Variants in CIT observed in about 807,000 individuals in gnomAD.
CIT encodes citron Rho-interacting kinase.
A neutral mutation model predicts 272.7 loss-of-function variants in CIT; 79 were observed. That is an observed-to-expected ratio of 0.29 (90% confidence interval 0.24 to 0.35). CIT has a LOEUF of 0.35. CIT is among the 10% of genes least tolerant of loss of function. The probability of loss-of-function intolerance (pLI) is 1.00; values close to 1 mark genes in which losing one functional copy is unlikely to be tolerated. For missense variants in CIT, 1,909 were observed against 2,618.3 expected (o/e 0.73, Z 5.91); for synonymous variants, 948 against 995.6 (o/e 0.95, Z 0.90).
At chr12:119,856,865 A>C (rs900104920) in intron 4 of CIT, among the ~76,000 whole-genome samples, 1 of 152,190 alleles carries the variant, frequency 6.6e-6, no homozygotes, top group Non-Finnish European at 1.5e-5. Flanking sequence ...TCCTTTTGCA[A>C]GCTTCCTGCA....
chr12:119,692,847 C>T lies in CIT; in HGVS notation c.5883-2393G>A, dbSNP rs537284393. 2.0e-5 allele frequency among the ~76,000 whole-genome samples: 3 copies of T among 152,316 alleles called. No individual in the cohort carries two copies. In the South Asian group the frequency reaches 6.2e-4, roughly 32 times the overall value. On this transcript the variant is annotated intron_variant, in intron 46 of 47. Coordinates refer to ENST00000392521, the MANE Select transcript of CIT (RefSeq NM_001206999.2). Reference sequence around the variant, plus strand: ...CGTTTGGAGATTCAGACAACGAATGCTCAGAAGGCCAGAACCCCTGTCTCT... The same window carrying T: ...CGTTTGGAGATTCAGACAACGAATGTTCAGAAGGCCAGAACCCCTGTCTCT...
rs759976682 is a variant in CIT at position 119,701,880 on chromosome 12, C to T, written c.5383G>A (p.Glu1795Lys). 27 of 1,613,994 alleles carry T rather than the reference C, an allele frequency of 1.7e-5. No homozygotes were observed. Among genetic ancestry groups the T allele is most frequent in the Non-Finnish European group, 2.0e-5 (24 of 1,180,018 alleles). Residue 1795 changes from glutamate (E) to lysine (K), a missense_variant, in exon 42 of 48, where the codon GAA becomes AAA. Physicochemically the swap from Glu to Lys is moderately conservative, Grantham distance 56 (BLOSUM62 1). Transcript: ENST00000392521. ...SILIGTNKFYEIDMKQYTLEE... is the reference protein window; with the variant it reads ...SILIGTNKFYKIDMKQYTLEE... ...AGCGTGTACTGCTTCATGTCGATTT[C>T]GTAGAATTTATTGGTTCCAATGAGG...
chr12:119,713,441 C>G lies in CIT; in HGVS notation c.4487+27G>C. The G allele has an allele frequency of 6.2e-7, 1 of 1,608,138 alleles. No homozygotes were observed. The highest frequency in any genetic ancestry group is 8.5e-7 in the Non-Finnish European group (1 of 1,176,828). On this transcript the variant is annotated intron_variant, in intron 34 of 47. Coordinates refer to ENST00000392521, the MANE Select transcript of CIT (RefSeq NM_001206999.2). This position sits in a 1 kb window ranked among gnomAD's most constrained non-coding sequence, Gnocchi z 5.2. ...AGAGTGGCTTGTGCCAGCACCTGCT[C>G]CAGCCCAAGCCACCCTGACATGGTA... is the stretch of plus-strand genomic sequence containing the variant.
intron 44 of CIT, 118 bp downstream of exon 44, chr12:119,700,627 C>A: frequency 1.2e-6 from 1 of 820,620 alleles, no homozygotes. Flanking sequence ...ATGATCCACC[C>A]GCCTCGGCCT....
intron 10 of CIT, among the ~76,000 whole-genome samples, chr12:119,794,071 T>C (rs1965531054): frequency 1.3e-5 from 2 of 152,172 alleles, no homozygotes; most frequent in South Asian, 4.1e-4. Context: ...AACCTTTCCT[T>C]GCGGACCCAG....
chr12:119,765,800 T>C (rs1415999659), intron 19 of CIT, among the ~76,000 whole-genome samples: 2 of 151,854 alleles, frequency 1.3e-5, no homozygotes, highest in African/African-American at 4.8e-5. Context: ...CACAATACAG[T>C]AAGCCTCAGA....
intron 5 of CIT, among the ~76,000 whole-genome samples, chr12:119,846,905 GA>G (rs909095930): frequency 6.7e-5 from 10 of 148,902 alleles, no homozygotes; most frequent in African/African-American, 1.2e-4. Flanking sequence ...AAAAAAGAAA[GA>G]AAAAAATACG....
chr12:119,735,482 C>G, intron 24 of CIT, 125 bp from the exon 25 acceptor site: 1 of 869,692 alleles, frequency 1.1e-6, no homozygotes, highest in Non-Finnish European at 1.8e-6. Flanking sequence ...CATGAGTTTG[C>G]CCACCTGACC....
chr12:119,704,501 C>CT lies in CIT; in HGVS notation c.5212-47_5212-46insA, dbSNP rs750255001. 1.5e-5 allele frequency: 24 copies of CT among 1,557,792 alleles called. No individual in the cohort carries two copies. In the South Asian group the frequency reaches 2.5e-4, roughly 16 times the overall value. On this transcript the variant is annotated intron_variant, in intron 40 of 47. Transcript: ENST00000392521. ...GAAAAAGACTGTCACCAGTGTGATA[C>CT]CGGCTGTGGGGCAAAACTAGGAAAA...
At chr12:119,769,702 T>C (rs960263367) in intron 18 of CIT, among the ~76,000 whole-genome samples, 4 of 152,226 alleles carry the variant, frequency 2.6e-5, no homozygotes, top group Non-Finnish European at 5.9e-5. Context: ...CATTTGTCTT[T>C]GTGTGCAGAC....
At chr12:119,873,727 C>G (rs933285407) in intron 2 of CIT, among the ~76,000 whole-genome samples, 1 of 151,586 alleles carries the variant, frequency 6.6e-6, no homozygotes, top group Admixed American at 6.6e-5. Context: ...AAAACCTAAG[C>G]TTTCAATTTG....
chr12:119,849,929 AC>A (rs1970093187), intron 5 of CIT, among the ~76,000 whole-genome samples: 1 of 151,852 alleles, frequency 6.6e-6, no homozygotes, highest in Admixed American at 6.6e-5. Context: ...CTCGTGATCC[AC>A]CCGCCTCGGC....
At chr12:119,759,570 C>T (rs1433149115) in intron 20 of CIT, among the ~76,000 whole-genome samples, 2 of 151,520 alleles carry the variant, frequency 1.3e-5, no homozygotes, top group East Asian at 2.0e-4. Flanking sequence ...CACTTGAACT[C>T]GGGAGGTAGA....
rs141409449 is a variant in CIT, at chr12:119,712,656, G to A, written c.4619C>T (p.Pro1540Leu). Reference sequence around the variant, plus strand: ...ACCATGAATAGATACATCCCCGTCGGGAAGGCACAGCTCAAATTCTTCCAC... The same window carrying A: ...ACCATGAATAGATACATCCCCGTCGAGAAGGCACAGCTCAAATTCTTCCAC... ...RPVEEFELCLPDGDVSIHGAV... is the reference protein window; with the variant it reads ...RPVEEFELCLLDGDVSIHGAV... Residue 1540 changes from proline to leucine, a missense_variant, in exon 36 of 48, where the codon CCC (proline) becomes CTC (leucine). This residue lies in a region of CIT where 780 missense variants were observed against 1,067.2 expected (regional missense o/e 0.73). Coordinates refer to ENST00000392521, the MANE Select transcript of CIT (RefSeq NM_001206999.2). This position sits in a 1 kb window ranked among gnomAD's most constrained non-coding sequence, Gnocchi z 5.2. The A allele has an allele frequency of 2.5e-6, 4 of 1,614,030 alleles. No homozygotes were observed. Among genetic ancestry groups the A allele is most frequent in the Non-Finnish European group, 3.4e-6 (4 of 1,180,028 alleles).
chr12:119,853,241 G>A (rs74974563), intron 4 of CIT, among the ~76,000 whole-genome samples: 2 of 150,526 alleles, frequency 1.3e-5, no homozygotes, highest in African/African-American at 4.9e-5. Context: ...TGAGGCAGGA[G>A]AATTGTTTGA....
At chr12:119,751,604 G>T (rs1960265861) in intron 23 of CIT, among the ~76,000 whole-genome samples, 1 of 108,518 alleles carries the variant, frequency 9.2e-6, no homozygotes, top group African/African-American at 3.7e-5. Context: ...AGAATCTACA[G>T]CTTGAAAAAA....
chr12:119,704,230 C>A, intron 41 of CIT, 133 bp downstream of exon 41: 1 of 743,434 alleles, frequency 1.3e-6, no homozygotes. Context: ...GAGGTCACCC[C>A]AGGCTAAAGG....
chr12:119,809,314 A>C (rs1966769314), intron 9 of CIT, among the ~76,000 whole-genome samples: 1 of 152,178 alleles, frequency 6.6e-6, no homozygotes, highest in African/African-American at 2.4e-5. Context: ...TCTAAAAGAC[A>C]AGTCTACAAT....
intron 5 of CIT, among the ~76,000 whole-genome samples, chr12:119,837,417 T>C (rs1248845183): frequency 6.6e-6 from 1 of 152,224 alleles, no homozygotes; most frequent in East Asian, 1.9e-4. Flanking sequence ...AAAATACGTT[T>C]GGATTGTTAA....
Sources: gnomAD v4.1 joint callset for allele counts (sites outside exome capture counted in the v4.1 genomes callset) on GRCh38, gnomAD v4.1.1 for gene constraint, gnomAD v4.1.1 regional missense constraint, Gnocchi (gnomAD v3.1) non-coding constraint, MANE v1.5 for transcripts, NCBI Gene and HGNC (gene_info 2026-07-23, HGNC 2026-07-21) for gene names.